Variants in STAU2 observed in about 807,000 individuals in gnomAD.
The protein encoded by STAU2 is staufen double-stranded RNA binding protein 2.
A neutral mutation model predicts 65.9 loss-of-function variants in STAU2; 20 were observed. The observed-to-expected ratio is 0.30, with a 90% CI of 0.21 to 0.44. STAU2 has a LOEUF of 0.44. Ranked by LOEUF, STAU2 falls within the 20% of genes least tolerant of loss-of-function variation. STAU2 has a pLI of 1.00. For synonymous variants in STAU2, 232 were observed against 233.9 expected (o/e 0.99, Z 0.07); for missense variants, 558 against 683.9 (o/e 0.82, Z 2.05).
chr8:73,619,793 A>G (rs1445075926), intron 6 of STAU2, among the ~76,000 whole-genome samples: 1 of 152,222 alleles, frequency 6.6e-6, no homozygotes, highest in African/African-American at 2.4e-5. Flanking sequence ...AAGTTAGAAG[A>G]AAAATTACAA....
chr8:73,561,203 T>A (rs1332048373), intron 12 of STAU2, among the ~76,000 whole-genome samples: 1 of 152,100 alleles, frequency 6.6e-6, no homozygotes, highest in Non-Finnish European at 1.5e-5. Flanking sequence ...TGACTCAGAG[T>A]CAGTGTGGTG....
At chr8:73,551,780 G>C in intron 13 of STAU2, 1 of 1,187,910 alleles carries the variant, frequency 8.4e-7, no homozygotes, top group Non-Finnish European at 1.0e-6. Flanking sequence ...AAAGAAGAAG[G>C]AAAATGGAGA....
chr8:73,543,740 T>C (rs1806708141), intron 13 of STAU2, among the ~76,000 whole-genome samples: 1 of 152,208 alleles, frequency 6.6e-6, no homozygotes, highest in Non-Finnish European at 1.5e-5. Flanking sequence ...AGGTGCTCAA[T>C]ACACACTGGT....
chr8:73,741,137 C>CTA (rs1412261527), intron 1 of STAU2, among the ~76,000 whole-genome samples: 1 of 150,740 alleles, frequency 6.6e-6, no homozygotes, highest in Admixed American at 6.6e-5. Flanking sequence ...AACCCCGCCT[C>CTA]TACTAAAAAT....
chr8:73,605,659 T>A (rs1284931658), intron 9 of STAU2, among the ~76,000 whole-genome samples: 1 of 151,226 alleles, frequency 6.6e-6, no homozygotes, highest in Non-Finnish European at 1.5e-5. Flanking sequence ...AAAATTCATA[T>A]GGAAATGCAA....
chr8:73,697,415 C>T (rs148551049), intron 4 of STAU2: 300 of 152,246 alleles, frequency 2.0e-3, no homozygotes, highest in African/African-American at 6.5e-3. Context: ...ACTTGTTCTA[C>T]AAGAAATCCT....
At chr8:73,521,697 A>G (rs1270381430) in intron 13 of STAU2, among the ~76,000 whole-genome samples, 1 of 152,208 alleles carries the variant, frequency 6.6e-6, no homozygotes, top group Non-Finnish European at 1.5e-5. Flanking sequence ...AGCAAACTGC[A>G]CCTTCCAGTC....
chr8:73,549,789 AG>A, intron 13 of STAU2: 1 of 985,600 alleles, frequency 1.0e-6, no homozygotes, highest in Non-Finnish European at 1.2e-6. Flanking sequence ...CTAGAAACAC[AG>A]AAAAAGAATT....
At chr8:73,605,316 T>C (rs1450406235) in intron 9 of STAU2, among the ~76,000 whole-genome samples, 1 of 142,026 alleles carries the variant, frequency 7.0e-6, no homozygotes, top group African/African-American at 2.5e-5. Flanking sequence ...CCTTTTTTTT[T>C]TTTTTTTTTT....
At chr8:73,549,906 T>C (rs1028623837) in intron 13 of STAU2, 21 of 985,690 alleles carry the variant, frequency 2.1e-5, no homozygotes, top group Middle Eastern at 5.2e-4. Flanking sequence ...ATTTAAGTAA[T>C]AGAAACAATC....
intron 12 of STAU2, among the ~76,000 whole-genome samples, chr8:73,571,099 G>C (rs1191434777): frequency 6.6e-6 from 1 of 152,148 alleles, no homozygotes; most frequent in South Asian, 2.1e-4. Context: ...TGCAATCCTA[G>C]TCTCTGACAA....
At chr8:73,698,091 A>C (rs1819805361) in intron 4 of STAU2, among the ~76,000 whole-genome samples, 1 of 152,072 alleles carries the variant, frequency 6.6e-6, no homozygotes, top group Non-Finnish European at 1.5e-5. Flanking sequence ...AAAAAAAGAA[A>C]ATTAATTTAA....
At chr8:73,551,760 A>G (rs1807348005) in intron 13 of STAU2, 7 of 1,147,088 alleles carry the variant, frequency 6.1e-6, no homozygotes, top group Non-Finnish European at 6.4e-6. Context: ...GAATATGAAA[A>G]ATGCTTAAAA....
At chr8:73,672,943 A>T in intron 6 of STAU2, 164 bp downstream of exon 6, 10 of 601,326 alleles carry the variant, frequency 1.7e-5, no homozygotes, top group Non-Finnish European at 2.4e-5. Flanking sequence ...GGTTTCTTTA[A>T]GTTATTAATT....
At chr8:73,478,600 T>C (rs1241924604) in intron 13 of STAU2, among the ~76,000 whole-genome samples, 1 of 152,198 alleles carries the variant, frequency 6.6e-6, no homozygotes, top group African/African-American at 2.4e-5. Context: ...TAGCAAATGA[T>C]GCTCTGATTC....
At chr8:73,426,075 G>A (rs995804039) in intron 13 of STAU2, among the ~76,000 whole-genome samples, 1 of 152,082 alleles carries the variant, frequency 6.6e-6, no homozygotes, top group African/African-American at 2.4e-5. Context: ...TTACAGGCAT[G>A]CGCCTCTGCC....
At chr8:73,726,656 T>C (rs1028476312) in intron 3 of STAU2, among the ~76,000 whole-genome samples, 1 of 152,202 alleles carries the variant, frequency 6.6e-6, no homozygotes, top group Admixed American at 6.5e-5. Flanking sequence ...ATCCAATATA[T>C]ATTTTATTTC....
At chr8:73,688,210 CTT>C (rs1819077948) in intron 5 of STAU2, among the ~76,000 whole-genome samples, 1 of 139,268 alleles carries the variant, frequency 7.2e-6, no homozygotes, top group Non-Finnish European at 1.6e-5. Context: ...GAGTTTCGCT[CTT>C]GTTGCCCAGG....
intron 6 of STAU2, among the ~76,000 whole-genome samples, chr8:73,636,125 C>T (rs1002189227): frequency 5.9e-5 from 9 of 152,216 alleles, no homozygotes; most frequent in African/African-American, 1.9e-4. Flanking sequence ...GAGGCCAAGG[C>T]GGGAAGATTG....
Sources: gnomAD v4.1 joint callset for allele counts (sites outside exome capture counted in the v4.1 genomes callset) on GRCh38, gnomAD v4.1.1 for gene constraint, MANE v1.5 for transcripts, NCBI Gene and HGNC (gene_info 2026-07-23, HGNC 2026-07-21) for gene names.